The following ACSF3 variants were observed in gnomAD, a reference collection of about 807,000 sequenced individuals.
ACSF3 encodes the protein malonate--CoA ligase ACSF3, mitochondrial.
In ACSF3, 78 loss-of-function variants were observed where a neutral mutation model predicts 53.2. The observed-to-expected ratio is 1.47, with a 90% confidence interval of 1.22 to 1.77. ACSF3 has a LOEUF of 1.77. Ranked by LOEUF, ACSF3 falls within the 40% of genes most tolerant of loss-of-function variation. The pLI is 0.00. For synonymous variants in ACSF3, 414 were observed against 333.1 expected (o/e 1.24, Z -2.65); for missense variants, 937 against 771.1 (o/e 1.22, Z -2.55).
At chr16:89,108,485 G>A (rs537180633) in intron 4 of ACSF3, among the ~76,000 whole-genome samples, 3 of 152,238 alleles carry the variant, frequency 2.0e-5, no homozygotes, top group Admixed American at 1.3e-4. Flanking sequence ...TTCACACACC[G>A]CAAAATTCAT....
At chr16:89,153,826 C>T in intron 10 of ACSF3, 1 of 521,564 alleles carries the variant, frequency 1.9e-6, no homozygotes, top group Non-Finnish European at 3.5e-6. Context: ...CTCAGGTGTG[C>T]CCTCGCCCAA....
intron 6 of ACSF3, 112 bp downstream of exon 6, chr16:89,114,599 C>A: frequency 1.3e-6 from 2 of 1,510,952 alleles, no homozygotes; most frequent in Non-Finnish European, 1.8e-6. Flanking sequence ...GGAGGATGCT[C>A]CCCCGTGGGA....
At chr16:89,123,776 G>A (rs924829313) in intron 7 of ACSF3, among the ~76,000 whole-genome samples, 2 of 152,262 alleles carry the variant, frequency 1.3e-5, no homozygotes, top group East Asian at 1.9e-4. Context: ...GATCATCCCC[G>A]GGGCCAGAGT....
intron 1 of ACSF3, among the ~76,000 whole-genome samples, chr16:89,094,329 C>T (rs74036104): frequency 0.032 from 4,916 of 152,300 alleles, 243 homozygotes; most frequent in African/African-American, 0.11. Flanking sequence ...AAATTCACTT[C>T]CATTTCTCAT....
intron 4 of ACSF3, among the ~76,000 whole-genome samples, chr16:89,110,757 C>T (rs930120438): frequency 2.0e-5 from 3 of 152,216 alleles, no homozygotes; most frequent in Non-Finnish European, 4.4e-5. Context: ...GAACTGCCAT[C>T]TTCACAACAT....
At chr16:89,145,086 A>T in intron 8 of ACSF3, 181 bp from the exon 9 acceptor site, 1 of 1,533,604 alleles carries the variant, frequency 6.5e-7, no homozygotes, top group Non-Finnish European at 8.9e-7. Context: ...ACCACCAGGA[A>T]TGTGGGCTTA....
chr16:89,124,685 C>T (rs1567717400), intron 7 of ACSF3, among the ~76,000 whole-genome samples: 1 of 51,254 alleles, frequency 2.0e-5, no homozygotes, highest in East Asian at 2.8e-4. Flanking sequence ...GTCACATATG[C>T]ACACACTGCA....
intron 10 of ACSF3, chr16:89,152,453 C>G (rs1219318298): frequency 1.3e-5 from 2 of 152,202 alleles, no homozygotes; most frequent in African/African-American, 2.4e-5. Context: ...ATTAAAAATA[C>G]AAAAATTAGC....
chr16:89,122,529 C>T, intron 7 of ACSF3: 1 of 335,472 alleles, frequency 3.0e-6, no homozygotes, highest in East Asian at 8.8e-5. Context: ...GCCCCTGCCC[C>T]CAACTCGAGG....
intron 7 of ACSF3, among the ~76,000 whole-genome samples, chr16:89,129,758 C>T (rs1463031072): frequency 6.6e-6 from 1 of 152,094 alleles, no homozygotes; most frequent in Non-Finnish European, 1.5e-5. Context: ...AAGTTTTTGA[C>T]CATAAATGTC....
intron 7 of ACSF3, among the ~76,000 whole-genome samples, chr16:89,128,405 C>A (rs1339811623): frequency 6.6e-6 from 1 of 151,862 alleles, no homozygotes; most frequent in Non-Finnish European, 1.5e-5. Flanking sequence ...GGAGTATAGG[C>A]ATGCGCCACC....
rs1342413640 is a variant in ACSF3 at position 89,114,630 on chromosome 16, G to A, written c.1126+143G>A. On this transcript the variant is annotated intron_variant, in intron 6 of 10. Coordinates refer to ENST00000614302, the MANE Select transcript of ACSF3 (RefSeq NM_001243279.3). The stretch of plus-strand genomic sequence containing the variant: ...TGGGACAGGCCACTCGGCCAGGAGA[G>A]CACTCAGGATGCACTGCGACCTGTC... 2.4e-6 allele frequency: 3 copies of A among 1,254,560 alleles called. No individual in the cohort carries two copies. In the South Asian group the frequency reaches 3.8e-5, roughly 16 times the overall value. 77.7% of individuals were successfully genotyped at this position (1,254,560 alleles called of 1,614,324 possible).
intron 5 of ACSF3, among the ~76,000 whole-genome samples, chr16:89,112,509 C>G (rs1259697519): frequency 1.3e-5 from 2 of 152,110 alleles, no homozygotes; most frequent in African/African-American, 4.8e-5. Context: ...CACTCTGTCT[C>G]TCTATCTCTC....
At chr16:89,117,329 G>A (rs751065334) in intron 6 of ACSF3, among the ~76,000 whole-genome samples, 16 of 152,198 alleles carry the variant, frequency 1.1e-4, no homozygotes, top group Non-Finnish European at 2.1e-4. Flanking sequence ...ACGGTCACGC[G>A]GCTGGTGAGT....
At chr16:89,139,918 G>A (rs1427948925) in intron 8 of ACSF3, among the ~76,000 whole-genome samples, 1 of 152,046 alleles carries the variant, frequency 6.6e-6, no homozygotes, top group Non-Finnish European at 1.5e-5. Context: ...TAACGTACAG[G>A]GTGTCCTCTG....
intron 5 of ACSF3, chr16:89,114,071 T>A (rs1227323296): frequency 1.9e-6 from 1 of 516,804 alleles, no homozygotes; most frequent in Non-Finnish European, 3.6e-6. Context: ...GCACATTGTT[T>A]ACCCTCATTA....
At chr16:89,095,558 C>T (rs779378428) in intron 1 of ACSF3, among the ~76,000 whole-genome samples, 28 of 129,842 alleles carry the variant, frequency 2.2e-4, no homozygotes, top group Non-Finnish European at 2.9e-4. Flanking sequence ...TCGGGGCAGC[C>T]GACAGGAGGA....
chr16:89,135,237 C>G (rs1228747204), intron 8 of ACSF3, among the ~76,000 whole-genome samples: 2 of 152,250 alleles, frequency 1.3e-5, no homozygotes, highest in Admixed American at 6.5e-5. Context: ...CCACAGGGAG[C>G]AGAGCGGGGG....
intron 2 of ACSF3, among the ~76,000 whole-genome samples, chr16:89,100,152 C>T (rs1208806675): frequency 6.6e-6 from 1 of 152,200 alleles, no homozygotes; most frequent in Non-Finnish European, 1.5e-5. Context: ...AAAAAACGAA[C>T]CTTGGCACCT....
Sources: gnomAD v4.1 joint callset for allele counts (sites outside exome capture counted in the v4.1 genomes callset) on GRCh38, gnomAD v4.1.1 for gene constraint, MANE v1.5 for transcripts, NCBI Gene and HGNC (gene_info 2026-07-23, HGNC 2026-07-21) for gene names.